Variants in ERBB3 observed in about 807,000 individuals in gnomAD.
The protein encoded by ERBB3 is erb-b2 receptor tyrosine kinase 3, also known as receptor tyrosine-protein kinase erbB-3.
In ERBB3, 96 loss-of-function variants were observed where a neutral mutation model predicts 156.7. That is an observed-to-expected ratio of 0.61 (90% CI 0.52 to 0.73). ERBB3 has a LOEUF of 0.73. Among genes scored for constraint, ERBB3 ranks in the 30% least tolerant of loss-of-function variants. ERBB3 has a pLI of 0.00. For synonymous variants in ERBB3, 567 were observed against 632.0 expected (o/e 0.90, Z 1.54); for missense variants, 1,406 against 1,709.4 (o/e 0.82, Z 3.13).
In ERBB3 at chr12:56,086,676, A is replaced by G; in HGVS notation, c.547+20A>G. 6.2e-7 allele frequency: 1 copy of G among 1,613,802 alleles called. No individual in the cohort carries two copies. Among genetic ancestry groups the G allele is most frequent in the Non-Finnish European group, 8.5e-7 (1 of 1,179,788 alleles). ...GAAGCTGTAAGTGGCCGTGATCAAG[A>G]TTGCTCCCCAGTCCCACCAAACCAG... On this transcript the variant is annotated intron_variant, in intron 4 of 27. Transcript: ENST00000267101.
rs1234718257 is a variant in ERBB3, at chr12:56,099,684, A to C, written c.2876A>C (p.Lys959Thr). The C allele has an allele frequency of 2.5e-6, 4 of 1,614,104 alleles. No individual in the cohort carries two copies. The highest frequency in any genetic ancestry group is 3.4e-6 in the Non-Finnish European group (4 of 1,180,044). Residue 959 changes from lysine (K) to threonine (T), a missense_variant, in exon 24 of 28, where the codon AAA becomes ACA. Transcript: ENST00000267101. ...MIDENIRPTF[K>T]ELANEFTRMA... ...GATGAGAACATTCGCCCAACCTTTA[A>C]AGAACTAGCCAATGAGTTCACCAGG...
At chr12:56,093,236 C>A in intron 11 of ERBB3, 109 bp from the exon 12 acceptor site, 1 of 1,199,122 alleles carries the variant, frequency 8.3e-7, no homozygotes, top group Non-Finnish European at 1.2e-6. Flanking sequence ...GGGATTCCCT[C>A]TCAGTGGATC....
intron 3 of ERBB3, among the ~76,000 whole-genome samples, chr12:56,085,836 A>C (rs1191854787): frequency 6.6e-6 from 1 of 151,102 alleles, no homozygotes; most frequent in Non-Finnish European, 1.5e-5. Context: ...TTGGGAGGCC[A>C]AGGCAGGTGG....
In ERBB3 at chr12:56,101,875, A is replaced by G. The variant is rs139774513; in HGVS notation, c.3849A>G (p.Pro1283=). Residue 1283 remains proline (P), a synonymous_variant, in exon 28 of 28, where the codon CCA becomes CCG. Transcript: ENST00000267101. ...GGDYAAMGAC[P]ASEQGYEEMR... ...ATTATGCAGCCATGGGGGCCTGCCC[A>G]GCATCTGAGCAAGGGTATGAAGAGA... The G allele has an allele frequency of 6.2e-7, 1 of 1,613,306 alleles. No homozygotes were observed. The highest frequency in any genetic ancestry group is 1.3e-5 in the African/African-American group (1 of 74,678).
intron 1 of ERBB3, among the ~76,000 whole-genome samples, chr12:56,083,027 A>G (rs914899962): frequency 2.0e-5 from 3 of 152,058 alleles, no homozygotes; most frequent in African/African-American, 7.3e-5. Flanking sequence ...CGGGGAGGCA[A>G]CTAGCTCCTT....
rs1406145788 is a variant in ERBB3, at chr12:56,088,112, A to G, written c.824A>G (p.Asn275Ser). The G allele has an allele frequency of 6.8e-6, 11 of 1,614,048 alleles. No homozygotes were observed. In the East Asian group the frequency reaches 2.2e-4, roughly 33 times the overall value. Residue 275 changes from asparagine to serine, a missense_variant, in exon 7 of 28, where the codon AAT becomes AGT. Transcript: ENST00000267101. ...YNKLTFQLEP[N>S]PHTKYQYGGV... ...AAGCTAACTTTCCAGCTGGAACCCAATCCCCACACCAAGTATCAGTATGGA... is the reference window on the plus strand; with the variant it reads ...AAGCTAACTTTCCAGCTGGAACCCAGTCCCCACACCAAGTATCAGTATGGA...
rs774095251 is a variant in ERBB3 at position 56,085,147 on chromosome 12, C to G, written c.387C>G (p.His129Gln). 4 of 1,614,010 alleles carry G rather than the reference C, an allele frequency of 2.5e-6. No homozygotes were observed. In the African/African-American group the frequency reaches 5.3e-5, roughly 22 times the overall value. ...VMLNYNTNSS[H>Q]ALRQLRLTQL... Reference sequence around the variant, plus strand: ...TGAACTATAACACCAACTCCAGCCACGCTCTGCGCCAGCTCCGCTTGACTC... The same window carrying G: ...TGAACTATAACACCAACTCCAGCCAGGCTCTGCGCCAGCTCCGCTTGACTC... Residue 129 changes from histidine (H) to glutamine (Q), a missense_variant, in exon 3 of 28, where the codon CAC becomes CAG. Physicochemically the swap from His to Gln is conservative, Grantham distance 24. Transcript: ENST00000267101.
rs1337925690 is a variant in ERBB3 at position 56,097,029 on chromosome 12, C to T, written c.2275-16C>T. 1.2e-5 allele frequency: 20 copies of T among 1,613,478 alleles called. No individual in the cohort carries two copies. The highest frequency in any genetic ancestry group is 1.7e-5 in the Non-Finnish European group (20 of 1,179,598). ...AACCTGTTGGTTTCCTAGATAATACCTTTTGTGTCTCTTAGCATATGCTGG... is the reference window on the plus strand; with the variant it reads ...AACCTGTTGGTTTCCTAGATAATACTTTTTGTGTCTCTTAGCATATGCTGG... On this transcript the variant is annotated splice_polypyrimidine_tract_variant and intron_variant, in intron 19 of 27. Transcript: ENST00000267101.
At position 56,095,906 on chromosome 12, in the gene ERBB3, G is replaced by T. The variant is rs571269605; in HGVS notation, c.2055+100G>T. ...TGAGTGGTACCCTGTGCACCCAGGG[G>T]TCAGTGATGGGATAAATGTCACTCC... On this transcript the variant is annotated intron_variant, in intron 17 of 27. Coordinates refer to ENST00000267101, the MANE Select transcript of ERBB3 (RefSeq NM_001982.4). 61 of 1,258,538 alleles carry T rather than the reference G, an allele frequency of 4.8e-5. No homozygotes were observed. In the East Asian group the frequency reaches 1.2e-3, roughly 25 times the overall value. The allele number at this position is 1,258,538 out of a possible 1,614,324, so 78.0% of individuals were successfully genotyped here.
intron 2 of ERBB3, 137 bp from the exon 3 acceptor site, chr12:56,084,855 TAAA>T: frequency 7.0e-7 from 1 of 1,419,898 alleles, no homozygotes; most frequent in Non-Finnish European, 9.5e-7. Flanking sequence ...TCTCAAATTT[TAAA>T]AAAAAGAAAA....
chr12:56,103,116 C>T lies in ERBB3; in HGVS notation c.*1061C>T, dbSNP rs1332108669. ...TAAGTTACAGCCCTTGTTTAAGGGGCACTGTTTCTTGTTTTTGCACTGAAT... is the reference window on the plus strand; with the variant it reads ...TAAGTTACAGCCCTTGTTTAAGGGGTACTGTTTCTTGTTTTTGCACTGAAT... On this transcript the variant is annotated 3_prime_UTR_variant, in exon 28 of 28. Coordinates refer to ENST00000267101, the MANE Select transcript of ERBB3 (RefSeq NM_001982.4). 3 of 230,850 alleles carry T rather than the reference C, an allele frequency of 1.3e-5. No homozygotes were observed. Among genetic ancestry groups the T allele is most frequent in the South Asian group, 1.8e-4 (1 of 5,510 alleles). The allele number at this position is 230,850 out of a possible 1,614,324, so 14.3% of individuals were successfully genotyped here.
intron 7 of ERBB3, 111 bp from the exon 8 acceptor site, chr12:56,088,432 G>C: frequency 2.1e-6 from 2 of 940,950 alleles, no homozygotes; most frequent in Non-Finnish European, 3.5e-6. Context: ...TGGCAGATGG[G>C]GACAAATCCA....
chr12:56,102,806 TA>T lies in ERBB3; in HGVS notation c.*779del, dbSNP rs4016497. 283 of 56,112 alleles carry T rather than the reference TA, an allele frequency of 5.0e-3. 3 individuals are homozygous for T. Among genetic ancestry groups the T allele is most frequent in the African/African-American group, 0.017 (206 of 11,906 alleles). The allele number at this position is 56,112 out of a possible 1,614,324, so 3.5% of individuals were successfully genotyped here. On this transcript the variant is annotated 3_prime_UTR_variant, in exon 28 of 28. Coordinates refer to ENST00000267101, the MANE Select transcript of ERBB3 (RefSeq NM_001982.4). ...CAACATAGTAAGACCCCCATCTCTTTAAAAAAAAAAAAAAAAAAAAAAAAAA... is the reference window on the plus strand; with the variant it reads ...CAACATAGTAAGACCCCCATCTCTTTAAAAAAAAAAAAAAAAAAAAAAAAA...
chr12:56,098,211 T>C, intron 21 of ERBB3: 1 of 550,160 alleles, frequency 1.8e-6, no homozygotes, highest in Non-Finnish European at 3.2e-6. Flanking sequence ...AAGACCATCC[T>C]GGCTAGCACG....
chr12:56,094,354 A>G, intron 14 of ERBB3, 48 bp from the exon 15 acceptor site: 2 of 1,611,070 alleles, frequency 1.2e-6, no homozygotes, highest in Non-Finnish European at 8.5e-7. Flanking sequence ...GGAGGTATGG[A>G]ATTGACCTTG....
Position 56,094,389 on chromosome 12 carries a change from C to A in ERBB3, c.1705-13C>A, listed in dbSNP as rs765774011. On this transcript the variant is annotated splice_polypyrimidine_tract_variant and intron_variant, in intron 14 of 27. Transcript: ENST00000267101. Reference sequence around the variant, plus strand: ...GGGATCTGATTCTTCCTGACCTTCTCTCTTCCACTCAGGGCTCTGATACTT... The same window carrying A: ...GGGATCTGATTCTTCCTGACCTTCTATCTTCCACTCAGGGCTCTGATACTT... 1 of 1,614,118 alleles carries A rather than the reference C, an allele frequency of 6.2e-7. No individual in the cohort carries two copies. Among genetic ancestry groups the A allele is most frequent in the Non-Finnish European group, 8.5e-7 (1 of 1,180,020 alleles).
chr12:56,088,468 C>G (rs1565857571), intron 7 of ERBB3, 75 bp from the exon 8 acceptor site: 4 of 1,192,928 alleles, frequency 3.4e-6, no homozygotes, highest in East Asian at 2.3e-5. Context: ...GAGCCTAGGC[C>G]CAGAGCAAGG....
intron 9 of ERBB3, among the ~76,000 whole-genome samples, chr12:56,090,143 G>T (rs1868624915): frequency 6.6e-6 from 1 of 151,878 alleles, no homozygotes; most frequent in Admixed American, 6.6e-5. Flanking sequence ...GGAATTATAG[G>T]TGTGTGCCAT....
intron 16 of ERBB3, 159 bp downstream of exon 16, chr12:56,095,469 C>A: frequency 1.1e-6 from 1 of 887,844 alleles, no homozygotes; most frequent in Non-Finnish European, 1.8e-6. Context: ...GGCTTCTGGA[C>A]TTCCCTTCCT....
Sources: allele counts gnomAD v4.1 joint callset (sites outside exome capture counted in the v4.1 genomes callset), GRCh38; gene constraint gnomAD v4.1.1; transcripts MANE v1.5; gene names NCBI Gene and HGNC (gene_info 2026-07-23, HGNC 2026-07-21).